The following MYOC variants were observed in gnomAD, a reference collection of about 807,000 sequenced individuals.
MYOC encodes the protein myocilin, also known as juvenile-onset open-angle glaucoma 1.
Under a neutral mutation model 28.2 loss-of-function variants are expected in MYOC, and 29 were observed. That is an observed-to-expected ratio of 1.03 (90% CI 0.77 to 1.40). MYOC has a LOEUF of 1.40. MYOC is among the 40% of genes most tolerant of loss of function. MYOC has a pLI of 0.00. For synonymous variants in MYOC, 240 were observed against 245.6 expected (o/e 0.98, Z 0.21); for missense variants, 569 against 620.6 (o/e 0.92, Z 0.88).
At position 171,636,097 on chromosome 1, in the gene MYOC, G is replaced by A; in HGVS notation, c.1343C>T (p.Thr448Ile). The A allele has an allele frequency of 1.2e-6, 2 of 1,614,174 alleles. No individual in the cohort carries two copies. Among genetic ancestry groups the A allele is most frequent in the Middle Eastern group, 1.6e-4 (1 of 6,062 alleles). Reference protein sequence around the residue: ...TVSSYTSADATVNFAYDTGTG... With the variant: ...TVSSYTSADAIVNFAYDTGTG... Reference sequence around the variant, plus strand: ...GCCTGTGTCATAAGCAAAGTTGACGGTAGCATCTGCTGAGGTGTAGCTGCT... The same window carrying A: ...GCCTGTGTCATAAGCAAAGTTGACGATAGCATCTGCTGAGGTGTAGCTGCT... Residue 448 changes from threonine to isoleucine, a missense_variant, in exon 3 of 3, where the codon ACC becomes ATC. Transcript: ENST00000037502.
intron 1 of MYOC, among the ~76,000 whole-genome samples, chr1:171,651,250 C>A (rs1272412310): frequency 2.0e-5 from 3 of 152,136 alleles, no homozygotes; most frequent in East Asian, 1.9e-4. Context: ...ACTTCCTCAA[C>A]AGGGAATATT....
Position 171,636,379 on chromosome 1 carries a change from A to G in MYOC, c.1061T>C (p.Val354Ala). The change falls in exon 3 of 3, where the codon GTG (valine) becomes GCG (alanine). Residue 354 changes from valine to alanine, a missense_variant. By Grantham distance (64) the Val-to-Ala change is moderately conservative. Transcript: ENST00000037502. ...TCCAGGGATTTCCTTCTCAGCCTTC[A>G]CTGTCTCGGTATTCAGCTCATATCT... ...VIRYELNTETVKAEKEIPGAG... is the reference protein window; with the variant it reads ...VIRYELNTETAKAEKEIPGAG... The G allele has an allele frequency of 6.2e-7, 1 of 1,613,202 alleles. No individual in the cohort carries two copies. Among genetic ancestry groups the G allele is most frequent in the Non-Finnish European group, 8.5e-7 (1 of 1,179,730 alleles).
Position 171,636,445 on chromosome 1 carries a change from C to T in MYOC, c.995G>A (p.Gly332Glu). The change falls in exon 3 of 3, where the codon GGG becomes GAG. Residue 332 changes from glycine (G) to glutamate (E), a missense_variant. Physicochemically the swap from Gly to Glu is moderately conservative, Grantham distance 98 (BLOSUM62 -2). Coordinates refer to ENST00000037502, the MANE Select transcript of MYOC (RefSeq NM_000261.2). ...CTCAGCGCCCTGGAAATAGAGGCTC[C>T]CCGAGTACACCACAGCACCCGTGCT... is the stretch of plus-strand genomic sequence containing the variant. ...LESTGAVVYS[G>E]SLYFQGAESR... 1 of 1,614,096 alleles carries T rather than the reference C, an allele frequency of 6.2e-7. No homozygotes were observed. Among genetic ancestry groups the T allele is most frequent in the Non-Finnish European group, 8.5e-7 (1 of 1,180,026 alleles).
At position 171,652,031 on chromosome 1, in the gene MYOC, G is replaced by C. The variant is rs755955429; in HGVS notation, c.581C>G (p.Ala194Gly). The change falls in exon 1 of 3, where the codon GCT (alanine) becomes GGT (glycine). Residue 194 changes from alanine (A) to glycine (G), a missense_variant. Physicochemically the swap from Ala to Gly is moderately conservative, Grantham distance 60. Transcript: ENST00000037502. ...ACCTTCTCTGGAGCCTGGTGGCACAGCCCGAGCAGTGTCTCGGGTCTGGGG... is the reference window on the plus strand; with the variant it reads ...ACCTTCTCTGGAGCCTGGTGGCACACCCCGAGCAGTGTCTCGGGTCTGGGG... ...QCPQTRDTAR[A>G]VPPGSREVST... is the part of the protein sequence containing the mutation. 6 of 1,614,196 alleles carry C rather than the reference G, an allele frequency of 3.7e-6. No homozygotes were observed. The highest frequency in any genetic ancestry group is 5.1e-6 in the Non-Finnish European group (6 of 1,180,032).
chr1:171,649,529 C>G (rs577335167), intron 1 of MYOC, among the ~76,000 whole-genome samples: 1 of 152,040 alleles, frequency 6.6e-6, no homozygotes, highest in Non-Finnish European at 1.5e-5. Flanking sequence ...ACAGGGAGGG[C>G]TCACACCTGT....
chr1:171,650,755 A>AGATTCACCAGTTTGT (rs932720523), intron 1 of MYOC, among the ~76,000 whole-genome samples: 5 of 152,202 alleles, frequency 3.3e-5, no homozygotes, highest in African/African-American at 1.2e-4. Flanking sequence ...CCATATACTT[A>AGATTCACCAGTTTGT]GATTCACCAG....
rs1487918397 is a variant in MYOC, at chr1:171,652,566, G to C, written c.46C>G (p.Pro16Ala). The change falls in exon 1 of 3, where the codon CCA becomes GCA. Residue 16 changes from proline to alanine, a missense_variant. By Grantham distance (27) the Pro-to-Ala change is conservative. Coordinates refer to ENST00000037502, the MANE Select transcript of MYOC (RefSeq NM_000261.2). Reference protein sequence around the residue: ...ARCCSFGPEMPAVQLLLLACL... With the variant: ...ARCCSFGPEMAAVQLLLLACL... ...GCCAGAAGCAGCAGCTGGACAGCTG[G>C]CATCTCAGGCCCAAAGCTGCAGCAA... The C allele has an allele frequency of 3.7e-6, 6 of 1,614,210 alleles. No individual in the cohort carries two copies. The South Asian group carries it at 6.6e-5, about 18-fold the overall frequency.
chr1:171,646,172 T>TA (rs1189140210), intron 1 of MYOC, among the ~76,000 whole-genome samples: 3 of 152,134 alleles, frequency 2.0e-5, no homozygotes, highest in African/African-American at 7.2e-5. Context: ...AACAATCTCG[T>TA]AAAGGGGCCT....
intron 1 of MYOC, among the ~76,000 whole-genome samples, chr1:171,646,419 G>T (rs1653206362): frequency 6.6e-6 from 1 of 152,038 alleles, no homozygotes; most frequent in Non-Finnish European, 1.5e-5. Context: ...AAACCAAAAA[G>T]AGACTGTGAA....
Position 171,636,446 on chromosome 1 carries a change from C to G in MYOC, c.994G>C (p.Gly332Arg). Residue 332 changes from glycine to arginine, a missense_variant, in exon 3 of 3, where the codon GGG (glycine) becomes CGG (arginine). By Grantham distance (125) the Gly-to-Arg change is moderately radical. Coordinates refer to ENST00000037502, the MANE Select transcript of MYOC (RefSeq NM_000261.2). Reference protein sequence around the residue: ...LESTGAVVYSGSLYFQGAESR... With the variant: ...LESTGAVVYSRSLYFQGAESR... ...TCAGCGCCCTGGAAATAGAGGCTCC[C>G]CGAGTACACCACAGCACCCGTGCTT... is the stretch of plus-strand genomic sequence containing the variant. 1 of 1,614,146 alleles carries G rather than the reference C, an allele frequency of 6.2e-7. No homozygotes were observed. Among genetic ancestry groups the G allele is most frequent in the Non-Finnish European group, 8.5e-7 (1 of 1,180,022 alleles).
intron 2 of MYOC, 79 bp downstream of exon 2, chr1:171,638,518 T>A: frequency 5.1e-6 from 8 of 1,570,532 alleles, no homozygotes; most frequent in Non-Finnish European, 6.1e-6. Flanking sequence ...GCATTTACCC[T>A]ATACTGATTC....
At chr1:171,646,501 GTTT>G (rs370758061) in intron 1 of MYOC, among the ~76,000 whole-genome samples, 1 of 129,902 alleles carries the variant, frequency 7.7e-6, no homozygotes, top group Non-Finnish European at 1.6e-5. Context: ...TTTTTTTTTT[GTTT>G]TTTTTTTTTT....
chr1:171,650,760 C>A (rs193194122), intron 1 of MYOC, among the ~76,000 whole-genome samples: 144 of 152,274 alleles, frequency 9.5e-4, no homozygotes, highest in African/African-American at 3.2e-3. Context: ...TACTTAGATT[C>A]ACCAGTTTGT....
intron 1 of MYOC, among the ~76,000 whole-genome samples, chr1:171,647,602 C>G (rs1211090387): frequency 1.3e-5 from 2 of 152,190 alleles, no homozygotes; most frequent in Non-Finnish European, 2.9e-5. Flanking sequence ...ATTTTATTCA[C>G]TGGGTGGCCA....
At chr1:171,638,334 T>C (rs1652975619) in intron 2 of MYOC, among the ~76,000 whole-genome samples, 1 of 152,176 alleles carries the variant, frequency 6.6e-6, no homozygotes, top group Non-Finnish European at 1.5e-5. Context: ...CATCTTGCCC[T>C]GTGCAGCCCA....
chr1:171,643,603 G>A (rs946604589), intron 1 of MYOC, among the ~76,000 whole-genome samples: 13 of 152,162 alleles, frequency 8.5e-5, no homozygotes, highest in African/African-American at 3.1e-4. Context: ...CCTTTCATCT[G>A]TACCTCTTCT....
In MYOC at chr1:171,652,329, G is replaced by T. The variant is rs1161305021; in HGVS notation, c.283C>A (p.Leu95Met). Residue 95 changes from leucine to methionine, a missense_variant, in exon 1 of 3, where the codon CTG (leucine) becomes ATG (methionine). Coordinates refer to ENST00000037502, the MANE Select transcript of MYOC (RefSeq NM_000261.2). Reference sequence around the variant, plus strand: ...GTCAATTGGTGGAGGAGGCTCTCCAGGGAGCTGAGTCGAGCTTTGGTGGCC... The same window carrying T: ...GTCAATTGGTGGAGGAGGCTCTCCATGGAGCTGAGTCGAGCTTTGGTGGCC... ...LEATKARLSS[L>M]ESLLHQLTLD... 1 of 1,610,250 alleles carries T rather than the reference G, an allele frequency of 6.2e-7. No homozygotes were observed. The highest frequency in any genetic ancestry group is 8.5e-7 in the Non-Finnish European group (1 of 1,177,428).
intron 1 of MYOC, among the ~76,000 whole-genome samples, chr1:171,651,063 G>A (rs890295450): frequency 4.6e-5 from 7 of 152,080 alleles, no homozygotes; most frequent in African/African-American, 1.7e-4. Context: ...CTTGGATGAA[G>A]ACACCAATCA....
chr1:171,643,481 G>A (rs1296645072), intron 1 of MYOC: 1 of 152,284 alleles, frequency 6.6e-6, no homozygotes, highest in African/African-American at 2.4e-5. Flanking sequence ...ACCGCTCCCT[G>A]GCCCTGCCAG....
Sources: allele counts gnomAD v4.1 joint callset (sites outside exome capture counted in the v4.1 genomes callset), GRCh38; gene constraint gnomAD v4.1.1; transcripts MANE v1.5; gene names NCBI Gene and HGNC (gene_info 2026-07-23, HGNC 2026-07-21).